Variants in WWP2 observed in about 807,000 individuals in gnomAD.
WWP2 encodes the protein WW domain containing E3 ubiquitin protein ligase 2, also known as NEDD4-like E3 ubiquitin-protein ligase WWP2.
In WWP2, 57 loss-of-function variants were observed where a neutral mutation model predicts 121.0. That is an observed-to-expected ratio of 0.47 (90% CI 0.38 to 0.59). The LOEUF (loss-of-function observed/expected upper bound fraction) is 0.59. WWP2 is among the 20% of genes least tolerant of loss of function. WWP2 has a pLI of 0.00. For synonymous variants in WWP2, 449 were observed against 441.3 expected (o/e 1.02, Z -0.22); for missense variants, 962 against 1,158.9 (o/e 0.83, Z 2.47).
intron 9 of WWP2, among the ~76,000 whole-genome samples, chr16:69,913,253 G>A (rs942203067): frequency 6.6e-6 from 1 of 150,430 alleles, no homozygotes; most frequent in East Asian, 2.0e-4. Context: ...GGCTGGTCTC[G>A]AACTCCTGAC....
chr16:69,804,347 G>A (rs1255327960), intron 4 of WWP2, among the ~76,000 whole-genome samples: 1 of 151,918 alleles, frequency 6.6e-6, no homozygotes, highest in East Asian at 1.9e-4. Context: ...ATTTAATTCT[G>A]CATCCACATG....
At chr16:69,763,818 C>G (rs1332192095) in intron 1 of WWP2, among the ~76,000 whole-genome samples, 1 of 152,172 alleles carries the variant, frequency 6.6e-6, no homozygotes, top group African/African-American at 2.4e-5. Flanking sequence ...TGAATAAATG[C>G]ATTTCTAAAA....
intron 8 of WWP2, among the ~76,000 whole-genome samples, chr16:69,893,490 T>G (rs2058061669): frequency 6.6e-6 from 1 of 152,262 alleles, no homozygotes; most frequent in Admixed American, 6.5e-5. Context: ...AGCCTAATGC[T>G]GTCATTCACT....
chr16:69,892,224 T>C (rs939979982), intron 8 of WWP2, among the ~76,000 whole-genome samples: 1 of 152,076 alleles, frequency 6.6e-6, no homozygotes, highest in Non-Finnish European at 1.5e-5. Context: ...AGTTCTGGGG[T>C]ATATATTTGC....
intron 4 of WWP2, among the ~76,000 whole-genome samples, chr16:69,836,653 C>G (rs1394661657): frequency 1.3e-5 from 2 of 152,216 alleles, no homozygotes; most frequent in Admixed American, 6.5e-5. Flanking sequence ...CTCTGTCACA[C>G]AGGCTGGAGT....
chr16:69,762,922 A>G (rs1038387583), intron 1 of WWP2, among the ~76,000 whole-genome samples: 1 of 152,142 alleles, frequency 6.6e-6, no homozygotes, highest in Admixed American at 6.6e-5. Context: ...AGGAGGGATC[A>G]CAGAATCTTG....
chr16:69,847,403 AT>A (rs535843267), intron 6 of WWP2, among the ~76,000 whole-genome samples: 540 of 125,474 alleles, frequency 4.3e-3, no homozygotes, highest in Middle Eastern at 0.015. Flanking sequence ...TATTTTTCTT[AT>A]TTTTTTTTTT....
At chr16:69,924,932 C>T (rs1464040460) in intron 10 of WWP2, 1 of 986,304 alleles carries the variant, frequency 1.0e-6, no homozygotes, top group Non-Finnish European at 1.2e-6. Context: ...CCAGGAAGCT[C>T]TGGGCGTGGG....
chr16:69,847,335 T>G (rs536876372), intron 6 of WWP2, among the ~76,000 whole-genome samples: 11 of 152,158 alleles, frequency 7.2e-5, no homozygotes, highest in African/African-American at 2.2e-4. Flanking sequence ...TCCACGCACC[T>G]TGGCCTCCCA....
chr16:69,820,227 C>G (rs946345512), intron 4 of WWP2, among the ~76,000 whole-genome samples: 1 of 152,172 alleles, frequency 6.6e-6, no homozygotes, highest in Admixed American at 6.5e-5. Context: ...AGTGGGACCC[C>G]TGTCTCTTTA....
intron 4 of WWP2, among the ~76,000 whole-genome samples, chr16:69,812,216 G>A (rs1011789154): frequency 6.8e-6 from 1 of 146,304 alleles, no homozygotes; most frequent in Middle Eastern, 3.5e-3. Context: ...ACCCAGGCTG[G>A]AGTGCAATGA....
chr16:69,786,736 C>T lies in WWP2; in HGVS notation c.-15-260C>T, dbSNP rs533815610. Among the ~76,000 whole-genome samples, 11 of 152,194 alleles carry T rather than the reference C, an allele frequency of 7.2e-5. No individual in the cohort carries two copies. In the South Asian group the frequency reaches 1.5e-3, roughly 20 times the overall value. ...AAAGTGCTGGAATTACAGACGTGAG[C>T]GACCATGCCTGGCAGAGGTGTCTTA... On this transcript the variant is annotated intron_variant, in intron 1 of 23. Coordinates refer to ENST00000359154, the MANE Select transcript of WWP2 (RefSeq NM_001270454.2).
chr16:69,883,064 G>A (rs1267941678), intron 7 of WWP2, among the ~76,000 whole-genome samples: 1 of 151,564 alleles, frequency 6.6e-6, no homozygotes, highest in Non-Finnish European at 1.5e-5. Context: ...GAGGCAGGAG[G>A]ATCGCTTGAA....
chr16:69,882,614 T>C (rs560148467), intron 7 of WWP2, among the ~76,000 whole-genome samples: 1 of 152,280 alleles, frequency 6.6e-6, no homozygotes, highest in East Asian at 1.9e-4. Context: ...TGCTGTGGGC[T>C]TCACAGTGTG....
intron 7 of WWP2, among the ~76,000 whole-genome samples, chr16:69,874,162 C>A (rs1052882465): frequency 6.6e-5 from 10 of 152,210 alleles, no homozygotes; most frequent in African/African-American, 2.4e-4. Context: ...GTCCATCTCT[C>A]CCCTTTCTGC....
intron 10 of WWP2, among the ~76,000 whole-genome samples, chr16:69,924,314 C>A (rs1287279804): frequency 6.6e-6 from 1 of 152,146 alleles, no homozygotes; most frequent in Admixed American, 6.5e-5. Flanking sequence ...ATCCTCCTGC[C>A]CATGTGTGGC....
chr16:69,789,413 A>G (rs1330763671), intron 2 of WWP2, among the ~76,000 whole-genome samples: 3 of 152,136 alleles, frequency 2.0e-5, no homozygotes, highest in African/African-American at 7.2e-5. Flanking sequence ...TATATTTAGT[A>G]GAGATGGGGT....
intron 4 of WWP2, among the ~76,000 whole-genome samples, chr16:69,804,893 G>T (rs981438208): frequency 1.3e-5 from 2 of 152,030 alleles, no homozygotes; most frequent in Admixed American, 6.5e-5. Flanking sequence ...AAAACCTTTG[G>T]TATTATTTTC....
intron 1 of WWP2, among the ~76,000 whole-genome samples, chr16:69,762,924 A>G (rs953978674): frequency 6.6e-6 from 1 of 152,150 alleles, no homozygotes; most frequent in Non-Finnish European, 1.5e-5. Context: ...GAGGGATCAC[A>G]GAATCTTGAT....
Sources: allele counts gnomAD v4.1 joint callset (sites outside exome capture counted in the v4.1 genomes callset), GRCh38; gene constraint gnomAD v4.1.1; transcripts MANE v1.5; gene names NCBI Gene and HGNC (gene_info 2026-07-23, HGNC 2026-07-21).